The following CEP128 variants were observed in gnomAD, a reference collection of about 807,000 sequenced individuals.
CEP128 encodes the protein centrosomal protein 128kDa.
In CEP128, 132 loss-of-function variants were observed where a neutral mutation model predicts 156.7. The ratio of observed to expected loss-of-function variants is 0.84; its 90% CI spans 0.73 to 0.97. CEP128 has a LOEUF of 0.97. Among genes scored for constraint, CEP128 ranks in the 50% least tolerant of loss-of-function variants. CEP128 has a pLI of 0.00. For missense variants in CEP128, 1,252 were observed against 1,281.9 expected, an observed-to-expected ratio of 0.98 and a Z score of 0.36; for synonymous variants, 469 against 448.9, an observed-to-expected ratio of 1.04 and a Z score of -0.57.
At chr14:80,554,473 T>G (rs567946548) in intron 21 of CEP128, among the ~76,000 whole-genome samples, 3 of 152,186 alleles carry the variant, frequency 2.0e-5, no homozygotes, top group Non-Finnish European at 4.4e-5. Context: ...GTAGAACTTA[T>G]GTATAAAATT....
At chr14:80,618,984 G>T (rs1455763161) in intron 19 of CEP128, among the ~76,000 whole-genome samples, 1 of 152,170 alleles carries the variant, frequency 6.6e-6, no homozygotes, top group African/African-American at 2.4e-5. Flanking sequence ...TATCTTCCCT[G>T]ATCCAGGGAG....
chr14:80,579,131 A>G (rs1430426465), intron 20 of CEP128, among the ~76,000 whole-genome samples: 1 of 152,226 alleles, frequency 6.6e-6, no homozygotes, highest in African/African-American at 2.4e-5. Context: ...CTCAATAAGT[A>G]TGTTTATATA....
At chr14:80,619,314 A>G (rs1393121699) in intron 19 of CEP128, among the ~76,000 whole-genome samples, 2 of 151,966 alleles carry the variant, frequency 1.3e-5, no homozygotes, top group Non-Finnish European at 2.9e-5. Context: ...ACATAAGATA[A>G]CAGAACAATT....
intron 13 of CEP128, among the ~76,000 whole-genome samples, chr14:80,820,813 T>TC (rs1885123743): frequency 6.6e-6 from 1 of 152,224 alleles, no homozygotes; most frequent in Admixed American, 6.5e-5. Flanking sequence ...TTCTCTTCCT[T>TC]TAATGAGAAT....
chr14:80,485,307 C>G lies in CEP128; in HGVS notation c.*311-6900G>C, dbSNP rs571151707. Among the ~76,000 whole-genome samples the G allele has an allele frequency of 1.2e-3, 175 of 152,158 alleles. 2 individuals are homozygous for G. The highest frequency in any genetic ancestry group is 4.1e-3 in the African/African-American group (170 of 41,478). ...CTTTAGTATTTATCTCAAAAGGGGTCAAGGAAAATGGGAGGGTCTTGGCTC... is the reference window on the plus strand; with the variant it reads ...CTTTAGTATTTATCTCAAAAGGGGTGAAGGAAAATGGGAGGGTCTTGGCTC... On this transcript the variant is annotated intron_variant and NMD_transcript_variant, in intron 14 of 14. Transcript: ENST00000554502.
chr14:80,584,044 T>C (rs1891699994), intron 19 of CEP128, among the ~76,000 whole-genome samples: 2 of 152,148 alleles, frequency 1.3e-5, no homozygotes, highest in Admixed American at 1.3e-4. Context: ...CAATACTTAA[T>C]TGCACCCTTC....
At chr14:80,875,293 T>C (rs1888228410) in intron 8 of CEP128, among the ~76,000 whole-genome samples, 1 of 152,188 alleles carries the variant, frequency 6.6e-6, no homozygotes, top group Non-Finnish European at 1.5e-5. Context: ...AATAAGATAA[T>C]CCAAGATTGC....
intron 8 of CEP128, among the ~76,000 whole-genome samples, chr14:80,884,180 G>C (rs1169485928): frequency 6.6e-6 from 1 of 152,184 alleles, no homozygotes; most frequent in Non-Finnish European, 1.5e-5. Flanking sequence ...AAGATTTCTT[G>C]AGTAATAATC....
chr14:80,942,533 C>T (rs1348372097), upstream of CEP128, among the ~76,000 whole-genome samples: 1 of 152,156 alleles, frequency 6.6e-6, no homozygotes, highest in Non-Finnish European at 1.5e-5. Context: ...AAAAAGACCA[C>T]TTCCCCTTCC....
intron 19 of CEP128, among the ~76,000 whole-genome samples, chr14:80,623,057 T>G (rs1438545725): frequency 2.0e-5 from 3 of 150,270 alleles, no homozygotes; most frequent in South Asian, 4.2e-4. Context: ...TTGGAACCAA[T>G]CCAAATGTCC....
At chr14:80,933,512 A>C (rs1006915680) in intron 2 of CEP128, among the ~76,000 whole-genome samples, 1 of 152,182 alleles carries the variant, frequency 6.6e-6, no homozygotes, top group African/African-American at 2.4e-5. Flanking sequence ...AGCCTCTGCC[A>C]GCTGTAGCAC....
chr14:80,551,996 A>G (rs1416971533), intron 21 of CEP128, among the ~76,000 whole-genome samples: 2 of 152,142 alleles, frequency 1.3e-5, no homozygotes, highest in Non-Finnish European at 2.9e-5. Context: ...GGAACTCGGG[A>G]TGGGTGAGAA....
At chr14:80,730,620 T>C (rs1566882045) in intron 19 of CEP128, among the ~76,000 whole-genome samples, 1 of 152,230 alleles carries the variant, frequency 6.6e-6, no homozygotes, top group Non-Finnish European at 1.5e-5. Context: ...AAGTGTAAGT[T>C]AGTCAGATGG....
intron 21 of CEP128, 66 bp from the exon 22 acceptor site, chr14:80,530,952 T>C: frequency 9.6e-7 from 1 of 1,041,894 alleles, no homozygotes; most frequent in Non-Finnish European, 1.4e-6. Context: ...AGAATCCACA[T>C]ACTAAAAATC....
At chr14:80,883,272 C>A (rs1013444403) in intron 8 of CEP128, among the ~76,000 whole-genome samples, 1 of 151,394 alleles carries the variant, frequency 6.6e-6, no homozygotes, top group Non-Finnish European at 1.5e-5. Context: ...AAATAAAGGG[C>A]ATCCAAATTG....
intron 2 of CEP128, chr14:80,955,907 T>C: frequency 6.2e-7 from 1 of 1,610,310 alleles, no homozygotes; most frequent in Non-Finnish European, 8.5e-7. Context: ...TCTGCAGAGG[T>C]GGCCCGAAGT....
chr14:80,852,080 A>ATG (rs1050407803), intron 9 of CEP128, among the ~76,000 whole-genome samples: 6 of 152,004 alleles, frequency 3.9e-5, no homozygotes, highest in South Asian at 2.1e-4. Flanking sequence ...AAATTTATAT[A>ATG]TGTGTGTGTG....
intron 15 of CEP128, among the ~76,000 whole-genome samples, chr14:80,781,552 G>A (rs1423699557): frequency 6.6e-6 from 1 of 151,516 alleles, no homozygotes; most frequent in African/African-American, 2.4e-5. Context: ...TACAGAGACA[G>A]TAAATAATTA....
intron 23 of CEP128, among the ~76,000 whole-genome samples, chr14:80,512,630 A>G (rs1476157985): frequency 1.3e-5 from 2 of 151,710 alleles, no homozygotes; most frequent in African/African-American, 4.8e-5. Flanking sequence ...TCATTTTGTT[A>G]TTCATTTTAT....
Sources: allele counts gnomAD v4.1 joint callset (sites outside exome capture counted in the v4.1 genomes callset), GRCh38; gene constraint gnomAD v4.1.1; transcripts MANE v1.5; gene names NCBI Gene and HGNC (gene_info 2026-07-23, HGNC 2026-07-21).